Variants in TRIM47 observed in about 807,000 individuals in gnomAD.
TRIM47 encodes the protein E3 ubiquitin-protein ligase TRIM47.
A neutral mutation model predicts 54.4 loss-of-function variants in TRIM47; 46 were observed. The observed-to-expected ratio is 0.84, with a 90% CI of 0.67 to 1.08. TRIM47 has a LOEUF of 1.08. Ranked by LOEUF, TRIM47 falls within the 50% of genes least tolerant of loss-of-function variation. TRIM47 has a pLI of 0.00. For missense variants in TRIM47, 825 were observed against 910.1 expected, an observed-to-expected ratio of 0.91 and a Z score of 1.20; for synonymous variants, 392 against 410.2, an observed-to-expected ratio of 0.96 and a Z score of 0.54.
At chr17:75,876,929 C>T in intron 1 of TRIM47, 116 bp from the exon 2 acceptor site, 2 of 994,432 alleles carry the variant, frequency 2.0e-6, no homozygotes, top group Non-Finnish European at 1.5e-6. Flanking sequence ...ATCTGTGCAT[C>T]AGGTGGGACT....
rs1391815052 is a variant in TRIM47 at position 75,876,101 on chromosome 17, T to C, written c.1003-2A>G. 1.3e-6 allele frequency: 2 copies of C among 1,599,994 alleles called. No individual in the cohort carries two copies. The highest frequency in any genetic ancestry group is 1.7e-6 in the Non-Finnish European group (2 of 1,179,472). ...GGCCAGCCTTAGTGCCAGCAGCTCC[T>C]GTGCCAGACAAATGCCCATTAAAGT... On this transcript the variant is annotated splice_acceptor_variant, in intron 3 of 5. Transcript: ENST00000254816. LOFTEE classifies it high-confidence loss of function.
intron 1 of TRIM47, chr17:75,877,548 C>A: frequency 1.7e-6 from 1 of 580,610 alleles, no homozygotes; most frequent in Non-Finnish European, 2.4e-6. Flanking sequence ...ACCCTCCGGG[C>A]GGGAGCAGCA....
rs77043448 is a variant in TRIM47 at position 75,874,273 on chromosome 17, C to T, written c.*210G>A. 11,863 of 434,700 alleles carry T rather than the reference C, an allele frequency of 0.027. 1,166 individuals carry two copies. The highest frequency in any genetic ancestry group is 0.21 in the African/African-American group (10,495 of 49,268). The allele number at this position is 434,700 out of a possible 1,614,324, so 26.9% of individuals were successfully genotyped here. On this transcript the variant is annotated 3_prime_UTR_variant, in exon 6 of 6. Transcript: ENST00000254816. This position sits in a 1 kb window ranked among gnomAD's most constrained non-coding sequence, Gnocchi z 6.2. The stretch of plus-strand genomic sequence containing the variant: ...GGAGCTGTCCCAGCTGTAGCTCTGT[C>T]TCCCAGAAGTGAGGTCTGCAGGGGA...
intron 1 of TRIM47, 73 bp from the exon 2 acceptor site, chr17:75,876,886 C>G: frequency 3.4e-6 from 5 of 1,473,974 alleles, no homozygotes; most frequent in Non-Finnish European, 4.6e-6. Flanking sequence ...CCAGGCCTTG[C>G]CAGGGGAGAG....
In TRIM47 at chr17:75,874,715, TAGA is replaced by T; in HGVS notation, c.1682_1684del (p.Phe561del). ...GCTCATCTTGCCGTCCCGTACAGCA[TAGA>T]AGGCCAAGGCACGGTCAGCGTATTC... On this transcript the variant is annotated inframe_deletion, in exon 6 of 6. Transcript: ENST00000254816. This position sits in a 1 kb window ranked among gnomAD's most constrained non-coding sequence, Gnocchi z 6.2. 12 of 1,613,834 alleles carry T rather than the reference TAGA, an allele frequency of 7.4e-6. No individual in the cohort carries two copies. Among genetic ancestry groups the T allele is most frequent in the Non-Finnish European group, 1.0e-5 (12 of 1,179,982 alleles).
rs113622800 is a variant in TRIM47 at position 75,876,458 on chromosome 17, C to T, written c.806G>A (p.Arg269Gln). 1,098 of 1,610,242 alleles carry T rather than the reference C, an allele frequency of 6.8e-4. 2 individuals are homozygous for T. The highest frequency in any genetic ancestry group is 8.2e-4 in the Non-Finnish European group (971 of 1,179,654). Residue 269 changes from arginine to glutamine, a missense_variant, in exon 3 of 6, where the codon CGG becomes CAG. Physicochemically the swap from Arg to Gln is conservative, Grantham distance 43 (BLOSUM62 1). Coordinates refer to ENST00000254816, the MANE Select transcript of TRIM47 (RefSeq NM_033452.3). ...AAVAERERVS[R>Q]LFADAAAALQ... The stretch of plus-strand genomic sequence containing the variant: ...GGCGGCCGCAGCATCTGCAAACAGC[C>T]GGCTCACCCTCTCCCGCTCTGCTAC...
In TRIM47 at chr17:75,875,429, C is replaced by A. The variant is rs1210879686; in HGVS notation, c.1247G>T (p.Ser416Ile). The A allele has an allele frequency of 6.2e-7, 1 of 1,614,122 alleles. No individual in the cohort carries two copies. The highest frequency in any genetic ancestry group is 8.5e-7 in the Non-Finnish European group (1 of 1,180,000). Residue 416 changes from serine (S) to isoleucine (I), a missense_variant, in exon 5 of 6, where the codon AGT (serine) becomes ATT (isoleucine). Ser to Ile is a moderately radical substitution (Grantham distance 142, BLOSUM62 -2). Coordinates refer to ENST00000254816, the MANE Select transcript of TRIM47 (RefSeq NM_033452.3). This position sits in a 1 kb window ranked among gnomAD's most constrained non-coding sequence, Gnocchi z 6.1. Reference sequence around the variant, plus strand: ...GAGGAAATAGTCCCTGGGAGCTTCACTCTCCAAGAGGTTCGTACTCTCGAG... The same window carrying A: ...GAGGAAATAGTCCCTGGGAGCTTCAATCTCCAAGAGGTTCGTACTCTCGAG... ...QDLESTNLLE[S>I]EAPRDYFLKF... is the part of the protein sequence containing the mutation.
Position 75,874,575 on chromosome 17 carries a change from G to C in TRIM47, c.1825C>G (p.Leu609Val), listed in dbSNP as rs1481733052. 6.5e-7 allele frequency: 1 copy of C among 1,537,654 alleles called. No homozygotes were observed. The highest frequency in any genetic ancestry group is 1.4e-5 in the African/African-American group (1 of 72,134). ...SHFAGLFTHR[L>V]KPAFFLESVD... ...CTCTCCAGGAAGAAGGCAGGCTTGA[G>C]TCTGTGGGTGAAGAGCCCCGCAAAG... The change falls in exon 6 of 6, where the codon CTC becomes GTC. Residue 609 changes from leucine (L) to valine (V), a missense_variant. By Grantham distance (32) the Leu-to-Val change is conservative. Transcript: ENST00000254816. The surrounding 1 kb of genome is among the most constrained non-coding windows in gnomAD (Gnocchi z 6.2).
Position 75,874,893 on chromosome 17 carries a change from A to G in TRIM47, c.1507T>C (p.Ser503Pro). 6.2e-7 allele frequency: 1 copy of G among 1,613,834 alleles called. No homozygotes were observed. The highest frequency in any genetic ancestry group is 8.5e-7 in the Non-Finnish European group (1 of 1,179,954). ...VSMGVMAEDFSPQEPYDRGRL... is the reference protein window; with the variant it reads ...VSMGVMAEDFPPQEPYDRGRL... ...CCGCGGTCGTAGGGCTCTTGTGGGGAGAAGTCTTCGGCCATGACCCCCATG... is the reference window on the plus strand; with the variant it reads ...CCGCGGTCGTAGGGCTCTTGTGGGGGGAAGTCTTCGGCCATGACCCCCATG... The change falls in exon 6 of 6, where the codon TCC becomes CCC. Residue 503 changes from serine to proline, a missense_variant. Physicochemically the swap from Ser to Pro is moderately conservative, Grantham distance 74 (BLOSUM62 -1). Transcript: ENST00000254816. The surrounding 1 kb of genome is among the most constrained non-coding windows in gnomAD (Gnocchi z 6.2).
At position 75,875,630 on chromosome 17, in the gene TRIM47, G is replaced by A. The variant is rs1042465071; in HGVS notation, c.1202-156C>T. 1.2e-5 allele frequency: 9 copies of A among 745,684 alleles called. No homozygotes were observed. The highest frequency in any genetic ancestry group is 2.1e-5 in the Admixed American group (1 of 47,134). The allele number at this position is 745,684 out of a possible 1,614,324, so 46.2% of individuals were successfully genotyped here. A position where few individuals can be genotyped will look rare whatever the true frequency, so the allele number is the denominator to read the frequency against. ...GCACGCTGTGCTCACACACATGCCC[G>A]TTGCCTGTGTTCTGCCTCTTGCCCC... On this transcript the variant is annotated intron_variant, in intron 4 of 5. Transcript: ENST00000254816. The surrounding 1 kb of genome is among the most constrained non-coding windows in gnomAD (Gnocchi z 6.1).
Position 75,875,577 on chromosome 17 carries a change from AC to A in TRIM47, c.1202-104del. On this transcript the variant is annotated intron_variant, in intron 4 of 5. Transcript: ENST00000254816. This position sits in a 1 kb window ranked among gnomAD's most constrained non-coding sequence, Gnocchi z 6.1. ...TCACTTCCTCCCAGAGTCCAGAGCC[AC>A]CAGGGAGCAAGCACCACCCAGATGT... 2 of 1,070,732 alleles carry A rather than the reference AC, an allele frequency of 1.9e-6. No homozygotes were observed. The highest frequency in any genetic ancestry group is 2.8e-6 in the Non-Finnish European group (2 of 705,512). 66.3% of individuals were successfully genotyped at this position (1,070,732 alleles called of 1,614,324 possible).
chr17:75,876,504 G>A lies in TRIM47; in HGVS notation c.772-12C>T. 3 of 1,585,110 alleles carry A rather than the reference G, an allele frequency of 1.9e-6. No individual in the cohort carries two copies. The highest frequency in any genetic ancestry group is 1.7e-6 in the Non-Finnish European group (2 of 1,166,922). On this transcript the variant is annotated splice_polypyrimidine_tract_variant and intron_variant, in intron 2 of 5. Coordinates refer to ENST00000254816, the MANE Select transcript of TRIM47 (RefSeq NM_033452.3). ...GCTACGGCTGCACTCTGCACAGGACGACAGTAGAGGGGGCAATGAGGGCAA... is the reference window on the plus strand; with the variant it reads ...GCTACGGCTGCACTCTGCACAGGACAACAGTAGAGGGGGCAATGAGGGCAA...
Position 75,878,411 on chromosome 17 carries a change from G to A in TRIM47, c.138C>T (p.Gly46=), listed in dbSNP as rs1183627917. 7.7e-6 allele frequency: 11 copies of A among 1,427,894 alleles called. No individual in the cohort carries two copies. The highest frequency in any genetic ancestry group is 1.4e-5 in the South Asian group (1 of 72,084). The allele number at this position is 1,427,894 out of a possible 1,614,324, so 88.5% of individuals were successfully genotyped here. The stretch of plus-strand genomic sequence containing the variant: ...GGCAGCGGGCCGCGCCTCCGGGTCC[G>A]CCGGCTCCACTCGCGCCACGATGCG... ...LWPHRGASGA[G]GPGGAARCPL... Residue 46 remains glycine (G), a synonymous_variant, in exon 1 of 6, where the codon GGC becomes GGT. Transcript: ENST00000254816.
Position 75,875,544 on chromosome 17 carries a change from T to G in TRIM47, c.1202-70A>C. On this transcript the variant is annotated intron_variant, in intron 4 of 5. Transcript: ENST00000254816. This position sits in a 1 kb window ranked among gnomAD's most constrained non-coding sequence, Gnocchi z 6.1. ...CCTCTGAACCTGTGACTACAATCCC[T>G]ACCCCCTTCACTTCCTCCCAGAGTC... is the stretch of plus-strand genomic sequence containing the variant. The G allele has an allele frequency of 1.5e-6, 2 of 1,373,380 alleles. No individual in the cohort carries two copies. The highest frequency in any genetic ancestry group is 2.1e-6 in the Non-Finnish European group (2 of 966,888). The allele number at this position is 1,373,380 out of a possible 1,614,324, so 85.1% of individuals were successfully genotyped here.
At position 75,878,377 on chromosome 17, in the gene TRIM47, G is replaced by T; in HGVS notation, c.172C>A (p.Gln58Lys). Residue 58 changes from glutamine (Q) to lysine (K), a missense_variant, in exon 1 of 6, where the codon CAG becomes AAG. Transcript: ENST00000254816. ...TGAAGGCCGTCGGGGAAGGGCTCCT[G>T]GCACAGCGGGCAGCGGGCCGCGCCT... Reference protein sequence around the residue: ...PGGAARCPLCQEPFPDGLQLR... With the variant: ...PGGAARCPLCKEPFPDGLQLR... 1 of 1,402,986 alleles carries T rather than the reference G, an allele frequency of 7.1e-7. No individual in the cohort carries two copies. Among genetic ancestry groups the T allele is most frequent in the Non-Finnish European group, 9.3e-7 (1 of 1,072,132 alleles). 86.9% of individuals were successfully genotyped at this position (1,402,986 alleles called of 1,614,324 possible). A position where few individuals can be genotyped will look rare whatever the true frequency, so the allele number is the denominator to read the frequency against.
rs1438488350 is a variant in TRIM47 at position 75,874,825 on chromosome 17, A to T, written c.1575T>A (p.Asn525Lys). The stretch of plus-strand genomic sequence containing the variant: ...GAAACCAGACGGAGAAGCTGCGTCC[A>T]TTCCACTGCAGGCAGCAGGAGTGGG... ...RNAHSCCLQW[N>K]GRSFSVWFHG... The change falls in exon 6 of 6, where the codon AAT (asparagine) becomes AAA (lysine). Residue 525 changes from asparagine (N) to lysine (K), a missense_variant. Transcript: ENST00000254816. This position sits in a 1 kb window ranked among gnomAD's most constrained non-coding sequence, Gnocchi z 6.2. The T allele has an allele frequency of 3.7e-6, 6 of 1,613,912 alleles. No homozygotes were observed. The highest frequency in any genetic ancestry group is 1.3e-5 in the African/African-American group (1 of 74,900).
intron 2 of TRIM47, 55 bp from the exon 3 acceptor site, chr17:75,876,547 T>C: frequency 6.6e-7 from 1 of 1,519,884 alleles, no homozygotes; most frequent in Non-Finnish European, 8.9e-7. Flanking sequence ...TCCCGGACTG[T>C]ACCCCCCTCC....
chr17:75,874,804 C>T lies in TRIM47; in HGVS notation c.1596G>A (p.Trp532Ter). The T allele has an allele frequency of 1.2e-6, 2 of 1,614,032 alleles. No individual in the cohort carries two copies. The highest frequency in any genetic ancestry group is 1.7e-6 in the Non-Finnish European group (2 of 1,180,002). Residue 532 changes from tryptophan to a stop codon, truncating the protein, a stop_gained, in exon 6 of 6, where the codon TGG (tryptophan) becomes TGA (stop). Coordinates refer to ENST00000254816, the MANE Select transcript of TRIM47 (RefSeq NM_033452.3). LOFTEE classifies it high-confidence loss of function. This position sits in a 1 kb window ranked among gnomAD's most constrained non-coding sequence, Gnocchi z 6.2. ...GCAGGGGAGCCTCCAGCCCATGAAA[C>T]CAGACGGAGAAGCTGCGTCCATTCC... ...LQWNGRSFSV[W>*]FHGLEAPLPH... is the part of the protein sequence containing the mutation.
At position 75,874,851 on chromosome 17, in the gene TRIM47, C is replaced by T. The variant is rs140965149; in HGVS notation, c.1549G>A (p.Ala517Thr). Reference sequence around the variant, plus strand: ...TTCCACTGCAGGCAGCAGGAGTGGGCGTTGCGGCCCAGCCGGCCGCGGTCG... The same window carrying T: ...TTCCACTGCAGGCAGCAGGAGTGGGTGTTGCGGCCCAGCCGGCCGCGGTCG... ...PYDRGRLGRN[A>T]HSCCLQWNGR... Residue 517 changes from alanine to threonine, a missense_variant, in exon 6 of 6, where the codon GCC (alanine) becomes ACC (threonine). Transcript: ENST00000254816. The surrounding 1 kb of genome is among the most constrained non-coding windows in gnomAD (Gnocchi z 6.2). The T allele has an allele frequency of 1.2e-5, 19 of 1,613,988 alleles. No individual in the cohort carries two copies. Among genetic ancestry groups the T allele is most frequent in the South Asian group, 7.7e-5 (7 of 91,086 alleles).
Sources: allele counts gnomAD v4.1 joint callset, GRCh38; gene constraint gnomAD v4.1.1; non-coding constraint Gnocchi (gnomAD v3.1); transcripts MANE v1.5; gene names NCBI Gene and HGNC (gene_info 2026-07-23, HGNC 2026-07-21).